The following CYTH1 variants were observed in gnomAD, a reference collection of about 807,000 sequenced individuals.
CYTH1 encodes cytohesin-1.
A neutral mutation model predicts 61.8 loss-of-function variants in CYTH1; 18 were observed. The ratio of observed to expected loss-of-function variants is 0.29; its 90% CI spans 0.20 to 0.43. The LOEUF is 0.43. Ranked by LOEUF, CYTH1 falls within the 20% of genes least tolerant of loss-of-function variation. The probability of loss-of-function intolerance (pLI) is 1.00; values close to 1 mark genes in which losing one functional copy is unlikely to be tolerated. For synonymous variants in CYTH1, 174 were observed against 184.3 expected (o/e 0.94, Z 0.45); for missense variants, 336 against 510.5 (o/e 0.66, Z 3.29).
intron 6 of CYTH1, among the ~76,000 whole-genome samples, chr17:78,701,442 A>C (rs1251609517): frequency 2.6e-5 from 4 of 152,218 alleles, no homozygotes; most frequent in Non-Finnish European, 5.9e-5. Flanking sequence ...TATAAGACTC[A>C]AGGAAGAGTG....
intron 1 of CYTH1, 32 bp downstream of exon 1, chr17:78,782,170 G>T: frequency 7.4e-7 from 1 of 1,357,268 alleles, no homozygotes. Context: ...GGGACAGCGA[G>T]GGGGAAGCGT....
At chr17:78,754,592 C>T (rs190843763) in intron 1 of CYTH1, among the ~76,000 whole-genome samples, 37 of 152,284 alleles carry the variant, frequency 2.4e-4, no homozygotes, top group African/African-American at 8.4e-4. Context: ...AAGCAATCCT[C>T]CTACCTCAAC....
At chr17:78,770,512 G>A (rs943592254) in intron 1 of CYTH1, among the ~76,000 whole-genome samples, 2 of 151,830 alleles carry the variant, frequency 1.3e-5, no homozygotes, top group African/African-American at 4.8e-5. Flanking sequence ...TCCACTTCCC[G>A]GGTTCAAGCG....
At chr17:78,725,712 C>G (rs1449860145) in intron 1 of CYTH1, among the ~76,000 whole-genome samples, 3 of 152,196 alleles carry the variant, frequency 2.0e-5, no homozygotes, top group Admixed American at 6.5e-5. Context: ...GTGTGTGAAC[C>G]TAGGCAAAGG....
Position 78,781,010 on chromosome 17 carries a change from AAAAAT to A in CYTH1, c.22+1187_22+1191del, listed in dbSNP as rs750463897. 1.8e-4 allele frequency among the ~76,000 whole-genome samples: 28 copies of A among 151,850 alleles called. No individual in the cohort carries two copies. In the South Asian group the frequency reaches 2.9e-3, roughly 16 times the overall value. ...GGGCGACAGAGTGAGACTCCGTTTC[AAAAAT>A]AAAATAAAATAAAATAAAATAATAA... On this transcript the variant is annotated intron_variant, in intron 1 of 13. Transcript: ENST00000446868.
At chr17:78,701,254 A>G (rs2093006000) in intron 6 of CYTH1, among the ~76,000 whole-genome samples, 1 of 152,228 alleles carries the variant, frequency 6.6e-6, no homozygotes, top group Admixed American at 6.5e-5. Flanking sequence ...AGCAGTGAAA[A>G]TACAGAATGA....
At chr17:78,778,244 G>C (rs1014742519) in intron 1 of CYTH1, among the ~76,000 whole-genome samples, 15 of 143,202 alleles carry the variant, frequency 1.0e-4, no homozygotes, top group Non-Finnish European at 1.9e-4. Flanking sequence ...AAGCTGCAGG[G>C]AGCTAAGACT....
At chr17:78,733,320 T>C (rs2093304471) in intron 1 of CYTH1, among the ~76,000 whole-genome samples, 1 of 152,194 alleles carries the variant, frequency 6.6e-6, no homozygotes, top group Admixed American at 6.5e-5. Context: ...TCTGCATATT[T>C]CCTGACAATG....
intron 1 of CYTH1, among the ~76,000 whole-genome samples, chr17:78,760,547 ATATATATATG>A (rs1243115844): frequency 2.3e-5 from 1 of 42,844 alleles, no homozygotes; most frequent in African/African-American, 8.8e-5. Context: ...ATATATATGT[ATATATATATG>A]TATATATATA....
chr17:78,741,788 C>T (rs1178422167), intron 1 of CYTH1, among the ~76,000 whole-genome samples: 2 of 152,200 alleles, frequency 1.3e-5, no homozygotes, highest in Non-Finnish European at 2.9e-5. Context: ...CAAACCCAAC[C>T]AGGAACCACA....
At chr17:78,743,249 C>T (rs1053302685) in intron 1 of CYTH1, among the ~76,000 whole-genome samples, 9 of 152,134 alleles carry the variant, frequency 5.9e-5, no homozygotes, top group African/African-American at 9.7e-5. Context: ...TATCTCTGGG[C>T]GGTGGGATGG....
At position 78,731,603 on chromosome 17, in the gene CYTH1, C is replaced by CA. The variant is rs539454521; in HGVS notation, c.23-21872dup. 2.0e-4 allele frequency among the ~76,000 whole-genome samples: 30 copies of CA among 151,826 alleles called. No homozygotes were observed. In the East Asian group the frequency reaches 5.0e-3, roughly 26 times the overall value. ...TGAAACCCCGTCTCTACTAAAAATA[C>CA]AAAAAATAGCCGGGAGTGGTGGCGG... On this transcript the variant is annotated intron_variant, in intron 1 of 13. Transcript: ENST00000446868.
intron 1 of CYTH1, among the ~76,000 whole-genome samples, chr17:78,739,344 C>G (rs2093333113): frequency 6.6e-6 from 1 of 152,214 alleles, no homozygotes; most frequent in African/African-American, 2.4e-5. Flanking sequence ...AATGCCTGCC[C>G]TCGTGGCGTC....
At chr17:78,777,353 G>A (rs1440718126) in intron 1 of CYTH1, among the ~76,000 whole-genome samples, 1 of 152,066 alleles carries the variant, frequency 6.6e-6, no homozygotes, top group East Asian at 1.9e-4. Context: ...AGGAGGCAGA[G>A]CTGGCAGTGA....
chr17:78,692,517 G>A (rs769874503), intron 10 of CYTH1, 24 bp from the exon 11 acceptor site: 14 of 1,611,788 alleles, frequency 8.7e-6, no homozygotes, highest in African/African-American at 2.7e-5. Context: ...AGAGATGCAC[G>A]TTCGACAAGA....
Position 78,695,924 on chromosome 17 carries a change from T to C in CYTH1, c.814+83A>G, listed in dbSNP as rs1234881259. ...TACCACCGGCAATTAAAAAACAAAA[T>C]AACCAAAAATAACGAAATCAGAAAA... is the stretch of plus-strand genomic sequence containing the variant. On this transcript the variant is annotated intron_variant, in intron 10 of 13. Coordinates refer to ENST00000446868, the MANE Select transcript of CYTH1 (RefSeq NM_004762.6). 5 of 1,360,656 alleles carry C rather than the reference T, an allele frequency of 3.7e-6. No individual in the cohort carries two copies. The African/African-American group carries it at 7.5e-5, about 20-fold the overall frequency. The allele number at this position is 1,360,656 out of a possible 1,614,324, so 84.3% of individuals were successfully genotyped here.
At chr17:78,724,823 C>T (rs897853410) in intron 1 of CYTH1, among the ~76,000 whole-genome samples, 6 of 152,290 alleles carry the variant, frequency 3.9e-5, no homozygotes, top group African/African-American at 1.4e-4. Context: ...TGCAAACAGA[C>T]GTCCTCATCA....
At chr17:78,752,298 T>A (rs1261643018) in intron 1 of CYTH1, among the ~76,000 whole-genome samples, 1 of 152,192 alleles carries the variant, frequency 6.6e-6, no homozygotes, top group Non-Finnish European at 1.5e-5. Context: ...AAGGAGTTTT[T>A]TAATAAGCAT....
At chr17:78,728,298 C>A (rs1338717338) in intron 1 of CYTH1, among the ~76,000 whole-genome samples, 1 of 152,206 alleles carries the variant, frequency 6.6e-6, no homozygotes, top group Non-Finnish European at 1.5e-5. Context: ...GTAATTCCAG[C>A]ACTTTTGGGG....
Sources: gnomAD v4.1 joint callset for allele counts (sites outside exome capture counted in the v4.1 genomes callset) on GRCh38, gnomAD v4.1.1 for gene constraint, MANE v1.5 for transcripts, NCBI Gene and HGNC (gene_info 2026-07-23, HGNC 2026-07-21) for gene names.